Variants in CCSER1 observed in about 807,000 individuals in gnomAD.
CCSER1 encodes the protein serine-rich coiled-coil domain-containing protein 1.
A neutral mutation model predicts 82.0 loss-of-function variants in CCSER1; 41 were observed. The ratio of observed to expected loss-of-function variants is 0.50; its 90% CI spans 0.39 to 0.65. CCSER1 has a LOEUF of 0.65. Among genes scored for constraint, CCSER1 ranks in the 30% least tolerant of loss-of-function variants. The pLI is 0.00. For synonymous variants in CCSER1, 414 were observed against 383.9 expected (o/e 1.08, Z -0.92); for missense variants, 1,119 against 1,064.2 (o/e 1.05, Z -0.72).
chr4:90,919,852 T>G (rs1728116187), intron 8 of CCSER1, among the ~76,000 whole-genome samples: 2 of 151,994 alleles, frequency 1.3e-5, no homozygotes, highest in African/African-American at 4.8e-5. Flanking sequence ...TAGTTTTACT[T>G]TTTTACATAA....
At chr4:91,589,136 T>G (rs111246431) in intron 10 of CCSER1, among the ~76,000 whole-genome samples, 78 of 152,000 alleles carry the variant, frequency 5.1e-4, no homozygotes, top group Non-Finnish European at 8.8e-4. Flanking sequence ...AAACAACACA[T>G]TGATATTATG....
At chr4:91,294,549 G>T (rs889177853) in intron 10 of CCSER1, among the ~76,000 whole-genome samples, 21 of 151,864 alleles carry the variant, frequency 1.4e-4, no homozygotes, top group Middle Eastern at 3.4e-3. Context: ...GCAAAATCAG[G>T]ATGGCAACAG....
intron 10 of CCSER1, among the ~76,000 whole-genome samples, chr4:91,237,965 A>T (rs1739145766): frequency 6.6e-6 from 1 of 152,122 alleles, no homozygotes; most frequent in Admixed American, 6.6e-5. Context: ...TTCTCTTTTG[A>T]ATTTATATTA....
chr4:90,875,949 C>A (rs1428057001), intron 8 of CCSER1, among the ~76,000 whole-genome samples: 12 of 152,124 alleles, frequency 7.9e-5, no homozygotes, highest in Admixed American at 7.2e-4. Flanking sequence ...CCTATAAATT[C>A]TTAATTTCAT....
chr4:91,238,256 G>A (rs1739171984), intron 10 of CCSER1, among the ~76,000 whole-genome samples: 1 of 152,074 alleles, frequency 6.6e-6, no homozygotes, highest in South Asian at 2.1e-4. Flanking sequence ...AGCATAAAAA[G>A]GTCCATGGAG....
chr4:90,839,965 T>C (rs1762364474), intron 8 of CCSER1, among the ~76,000 whole-genome samples: 1 of 152,060 alleles, frequency 6.6e-6, no homozygotes, highest in Non-Finnish European at 1.5e-5. Context: ...ATTGAAGTTA[T>C]TGTAATAAAT....
intron 5 of CCSER1, among the ~76,000 whole-genome samples, chr4:90,616,125 A>G (rs1022847561): frequency 2.0e-5 from 3 of 152,192 alleles, no homozygotes; most frequent in Admixed American, 6.5e-5. Flanking sequence ...ACATAATGCT[A>G]TTGCACGCTT....
intron 10 of CCSER1, among the ~76,000 whole-genome samples, chr4:91,172,944 T>G (rs1428651625): frequency 6.6e-6 from 1 of 152,236 alleles, no homozygotes; most frequent in African/African-American, 2.4e-5. Context: ...GTTTTATCTT[T>G]AAATCTCCAG....
intron 7 of CCSER1, among the ~76,000 whole-genome samples, chr4:90,730,587 C>T (rs1400035052): frequency 6.6e-6 from 1 of 151,894 alleles, no homozygotes; most frequent in Non-Finnish European, 1.5e-5. Context: ...TATAAAATGT[C>T]AGGTAGGGTG....
At chr4:90,381,414 G>C (rs1161769907) in intron 3 of CCSER1, among the ~76,000 whole-genome samples, 1 of 152,098 alleles carries the variant, frequency 6.6e-6, no homozygotes, top group Non-Finnish European at 1.5e-5. Flanking sequence ...GAAAACAACA[G>C]CTTTGTAAAA....
At chr4:90,144,073 T>G (rs1452263728) in intron 1 of CCSER1, among the ~76,000 whole-genome samples, 3 of 152,366 alleles carry the variant, frequency 2.0e-5, no homozygotes, top group South Asian at 4.1e-4. Context: ...CTGTAAGATA[T>G]CTTTTTAAAA....
chr4:90,909,253 A>G (rs567694202), intron 8 of CCSER1, among the ~76,000 whole-genome samples: 1 of 152,292 alleles, frequency 6.6e-6, no homozygotes, highest in East Asian at 1.9e-4. Context: ...TATCAAGTAT[A>G]ATCTCTTTTT....
chr4:91,513,323 T>G (rs886988054), intron 10 of CCSER1, among the ~76,000 whole-genome samples: 4 of 152,172 alleles, frequency 2.6e-5, no homozygotes, highest in African/African-American at 9.7e-5. Context: ...CATGTTATCA[T>G]GGTGAATTAA....
chr4:90,538,484 TA>T (rs1192585850), intron 5 of CCSER1, among the ~76,000 whole-genome samples: 5 of 152,140 alleles, frequency 3.3e-5, no homozygotes, highest in African/African-American at 1.2e-4. Flanking sequence ...AAAGTATTTT[TA>T]AAAAGTTTTT....
intron 1 of CCSER1, among the ~76,000 whole-genome samples, chr4:90,225,055 C>T (rs1742881073): frequency 6.6e-6 from 1 of 151,322 alleles, no homozygotes; most frequent in Non-Finnish European, 1.5e-5. Context: ...TTTAAAATGA[C>T]TTCCTTTTTT....
At chr4:90,960,854 G>GCAGTGTGAA in intron 9 of CCSER1, among the ~76,000 whole-genome samples, 1 of 152,164 alleles carries the variant, frequency 6.6e-6, no homozygotes, top group South Asian at 2.1e-4. Flanking sequence ...TATATGTTAA[G>GCAGTGTGAA]ACACTGCTAC....
rs555674177 is a variant in CCSER1, at chr4:91,174,678, A to C, written c.2217+88684A>C. Among the ~76,000 whole-genome samples, 153 of 152,268 alleles carry C rather than the reference A, an allele frequency of 1.0e-3. 1 individual carries two copies. The Middle Eastern group carries it at 0.014, about 14-fold the overall frequency. ...AATGTTTTAAAAAGATTATCCAACT[A>C]TCTAATGTTTAATGTGTTATACCAT... On this transcript the variant is annotated intron_variant, in intron 10 of 10. Transcript: ENST00000509176.
intron 5 of CCSER1, among the ~76,000 whole-genome samples, chr4:90,548,126 A>C (rs1417562488): frequency 6.6e-6 from 1 of 151,954 alleles, no homozygotes; most frequent in Non-Finnish European, 1.5e-5. Flanking sequence ...TATTTGCATT[A>C]TAGACCAGAA....
chr4:91,598,850 A>G lies in CCSER1; in HGVS notation c.2496A>G (p.Pro832=). Reference sequence around the variant, plus strand: ...CCGTTGGGCAGAGCTCTCTGAAGCCAACAGCTAAGACAGAAGGGCTCTCCA... The same window carrying G: ...CCGTTGGGCAGAGCTCTCTGAAGCCGACAGCTAAGACAGAAGGGCTCTCCA... ...RATVGQSSLK[P]TAKTEGLSTF... Residue 832 remains proline (P), a synonymous_variant, in exon 11 of 11, where the codon CCA becomes CCG. Transcript: ENST00000509176. 1 of 1,551,668 alleles carries G rather than the reference A, an allele frequency of 6.4e-7. No homozygotes were observed. Among genetic ancestry groups the G allele is most frequent in the Non-Finnish European group, 8.7e-7 (1 of 1,146,936 alleles).
Sources: gnomAD v4.1 joint callset for allele counts (sites outside exome capture counted in the v4.1 genomes callset) on GRCh38, gnomAD v4.1.1 for gene constraint, MANE v1.5 for transcripts, NCBI Gene and HGNC (gene_info 2026-07-23, HGNC 2026-07-21) for gene names.